The following PTBP2 variants were observed in gnomAD, a reference collection of about 807,000 sequenced individuals.
The protein encoded by PTBP2 is polypyrimidine tract-binding protein 2.
In PTBP2, 13 loss-of-function variants were observed where a neutral mutation model predicts 61.4. The observed-to-expected ratio is 0.21, with a 90% CI of 0.14 to 0.34. The LOEUF is 0.34. PTBP2 is among the 10% of genes least tolerant of loss of function. PTBP2 has a pLI of 1.00. For synonymous variants in PTBP2, 215 were observed against 218.5 expected (o/e 0.98, Z 0.14); for missense variants, 405 against 642.6 (o/e 0.63, Z 4.00).
At chr1:96,762,390 G>A (rs1355532611) in intron 3 of PTBP2, among the ~76,000 whole-genome samples, 3 of 145,878 alleles carry the variant, frequency 2.1e-5, no homozygotes, top group East Asian at 2.1e-4. Flanking sequence ...CTGGCCGGGC[G>A]GGGGGCTGAC....
exon 14 of PTBP2, chr1:96,822,147 A>G (rs1377830057): frequency 1.3e-5 from 2 of 152,172 alleles, no homozygotes; most frequent in Admixed American, 6.5e-5. Flanking sequence ...TCAGTTCAGT[A>G]TGAGATAAGT....
chr1:96,739,310 AAAAC>A (rs1211479701), intron 2 of PTBP2, among the ~76,000 whole-genome samples: 1 of 152,182 alleles, frequency 6.6e-6, no homozygotes, highest in Non-Finnish European at 1.5e-5. Context: ...ATTGTACAAA[AAAAC>A]ACATAAAATT....
chr1:96,749,122 C>T lies in PTBP2; in HGVS notation c.40-2303C>T, dbSNP rs547941984. 8.5e-5 allele frequency among the ~76,000 whole-genome samples: 13 copies of T among 152,098 alleles called. No homozygotes were observed. The South Asian group carries it at 1.7e-3, about 19-fold the overall frequency. On this transcript the variant is annotated intron_variant, in intron 2 of 13. Coordinates refer to ENST00000674951, the MANE Select transcript of PTBP2 (RefSeq NM_021190.4). The stretch of plus-strand genomic sequence containing the variant: ...ACAAACTTAAAAAAAAATGGAAAGA[C>T]TTTTCCATGCAAAAAGATGCATTGC...
At chr1:96,820,318 G>A (rs1223950641) in exon 14 of PTBP2, 1 of 152,024 alleles carries the variant, frequency 6.6e-6, no homozygotes, top group Non-Finnish European at 1.5e-5. Context: ...CATGTACATT[G>A]TAGAGAATAC....
At chr1:96,727,682 G>A (rs983087758) in intron 2 of PTBP2, among the ~76,000 whole-genome samples, 1 of 152,022 alleles carries the variant, frequency 6.6e-6, no homozygotes, top group African/African-American at 2.4e-5. Context: ...TTTGTCAGCT[G>A]TTATCTTTGG....
In PTBP2 at chr1:96,804,845, C is replaced by T. The variant is rs1158402074; in HGVS notation, c.950C>T (p.Ala317Val). Residue 317 changes from alanine to valine, a missense_variant, in exon 9 of 14, where the codon GCA becomes GTA. Around this residue, in one of 4 missense-constraint regions of PTBP2, gnomAD observed 342 missense variants for 491.2 expected, o/e 0.70. Coordinates refer to ENST00000674951, the MANE Select transcript of PTBP2 (RefSeq NM_021190.4). ...CCTTTGGCCATTCCAAATGCTGCTG[C>T]AGCAGCTGCTGCAGCTGCTGCTGGC... ...LSPLAIPNAA[A>V]AAAAAAAGRV... 1.2e-6 allele frequency: 2 copies of T among 1,611,478 alleles called. No homozygotes were observed. Among genetic ancestry groups the T allele is most frequent in the Non-Finnish European group, 8.5e-7 (1 of 1,178,128 alleles).
At chr1:96,806,550 T>C in intron 10 of PTBP2, 98 bp downstream of exon 10, 1 of 1,313,110 alleles carries the variant, frequency 7.6e-7, no homozygotes, top group Non-Finnish European at 1.1e-6. Flanking sequence ...AGTTGAATAG[T>C]AAATCTTTTG....
intron 7 of PTBP2, among the ~76,000 whole-genome samples, chr1:96,780,136 G>A (rs879679717): frequency 2.0e-5 from 3 of 151,894 alleles, no homozygotes; most frequent in African/African-American, 4.8e-5. Context: ...TTAATAAAAG[G>A]CATAGATGTT....
At chr1:96,723,443 A>G (rs1052734938) in intron 1 of PTBP2, 121 bp from the exon 2 acceptor site, 6 of 706,038 alleles carry the variant, frequency 8.5e-6, no homozygotes, top group Non-Finnish European at 1.4e-5. Context: ...TTTTATCCCC[A>G]TCTGTGTGTG....
rs369533147 is a variant in PTBP2 at position 96,812,757 on chromosome 1, G to A, written c.1217G>A (p.Arg406His). 14 of 1,608,496 alleles carry A rather than the reference G, an allele frequency of 8.7e-6. No individual in the cohort carries two copies. Among genetic ancestry groups the A allele is most frequent in the Non-Finnish European group, 1.0e-5 (12 of 1,175,286 alleles). The change falls in exon 12 of 14, where the codon CGT becomes CAT. Residue 406 changes from arginine to histidine, a missense_variant. Around this residue, in one of 4 missense-constraint regions of PTBP2, gnomAD observed 18 missense variants for 69.6 expected, o/e 0.26. Transcript: ENST00000674951. ...CAGAAAATGTATGGAAAAATTATTC[G>A]TGTTACTCTGTCTAAACATCAGACT... ...NGQKMYGKII[R>H]VTLSKHQTVQ...
chr1:96,743,392 C>G (rs1160476236), intron 2 of PTBP2, among the ~76,000 whole-genome samples: 1 of 152,086 alleles, frequency 6.6e-6, no homozygotes, highest in Non-Finnish European at 1.5e-5. Context: ...TGATCAGACT[C>G]TGGTGTAATT....
At chr1:96,725,588 T>C (rs938749412) in intron 2 of PTBP2, among the ~76,000 whole-genome samples, 1 of 151,398 alleles carries the variant, frequency 6.6e-6, no homozygotes, top group Non-Finnish European at 1.5e-5. Context: ...TAGAAGATGA[T>C]AAAAAAAAAT....
At chr1:96,789,763 G>C (rs540261873) in intron 8 of PTBP2, among the ~76,000 whole-genome samples, 1 of 152,068 alleles carries the variant, frequency 6.6e-6, no homozygotes, top group South Asian at 2.1e-4. Flanking sequence ...GTTCAATAGC[G>C]CTGACACTTA....
At chr1:96,767,487 T>C (rs754507541) in intron 3 of PTBP2, among the ~76,000 whole-genome samples, 6 of 152,082 alleles carry the variant, frequency 3.9e-5, no homozygotes, top group Non-Finnish European at 8.8e-5. Flanking sequence ...CATGGGGCTT[T>C]AGGTTGGATT....
At chr1:96,815,310 C>G (rs1027281579), downstream of PTBP2, 3 of 151,322 alleles carry the variant, frequency 2.0e-5, no homozygotes, top group Non-Finnish European at 4.4e-5. Context: ...TCTTACTAAT[C>G]TTAGACTACC....
chr1:96,767,823 A>G (rs1221144520), intron 3 of PTBP2, among the ~76,000 whole-genome samples: 1 of 152,102 alleles, frequency 6.6e-6, no homozygotes, highest in Non-Finnish European at 1.5e-5. Flanking sequence ...CTTTGTCAGT[A>G]GTGAAAGGAC....
At chr1:96,816,427 G>T (rs1185523538), downstream of PTBP2, 1 of 152,064 alleles carries the variant, frequency 6.6e-6, no homozygotes, top group Non-Finnish European at 1.5e-5. Flanking sequence ...GTTAATAGAG[G>T]TCTTAACTTG....
intron 3 of PTBP2, among the ~76,000 whole-genome samples, chr1:96,760,885 A>T (rs766485246): frequency 6.6e-5 from 10 of 152,200 alleles, no homozygotes; most frequent in Non-Finnish European, 1.3e-4. Context: ...ATGGTCCCAA[A>T]CTTGAAATAA....
At chr1:96,801,854 T>TC (rs1308970291) in intron 8 of PTBP2, among the ~76,000 whole-genome samples, 1 of 123,086 alleles carries the variant, frequency 8.1e-6, no homozygotes, top group East Asian at 2.7e-4. Flanking sequence ...AGAGCAAGAC[T>TC]CCATCTCAAA....
Sources: allele counts gnomAD v4.1 joint callset (sites outside exome capture counted in the v4.1 genomes callset), GRCh38; gene constraint gnomAD v4.1.1; regional missense constraint gnomAD v4.1.1; transcripts MANE v1.5; gene names NCBI Gene and HGNC (gene_info 2026-07-23, HGNC 2026-07-21).